FMNL2: variants seen among roughly 807,000 people sequenced by gnomAD.
The protein encoded by FMNL2 is formin-like protein 2.
Under a neutral mutation model 130.2 loss-of-function variants are expected in FMNL2, and 51 were observed. The observed-to-expected ratio is 0.39, with a 90% CI of 0.31 to 0.49. The LOEUF (loss-of-function observed/expected upper bound fraction) is 0.49. FMNL2 is among the 20% of genes least tolerant of loss of function. The probability of loss-of-function intolerance (pLI) is 0.85; values close to 1 mark genes in which losing one functional copy is unlikely to be tolerated. For missense variants in FMNL2, 977 were observed against 1,316.2 expected, an observed-to-expected ratio of 0.74 and a Z score of 3.99; for synonymous variants, 465 against 467.1, an observed-to-expected ratio of 1.00 and a Z score of 0.06.
At chr2:152,603,691 C>CT (rs761260629) in intron 9 of FMNL2, among the ~76,000 whole-genome samples, 2 of 150,524 alleles carry the variant, frequency 1.3e-5, no homozygotes, top group African/African-American at 2.4e-5. Context: ...CATTCAAAAC[C>CT]TTTTTTTTCT....
intron 1 of FMNL2, among the ~76,000 whole-genome samples, chr2:152,496,168 G>A (rs766181543): frequency 8.6e-5 from 13 of 151,942 alleles, no homozygotes; most frequent in Admixed American, 7.2e-4. Flanking sequence ...TTCTGGGTCC[G>A]GGATCTAGGG....
chr2:152,339,259 C>A (rs1185170451), intron 1 of FMNL2, among the ~76,000 whole-genome samples: 5 of 111,496 alleles, frequency 4.5e-5, no homozygotes, highest in African/African-American at 8.1e-5. Context: ...CAAGACAATT[C>A]TTCTTCTTCC....
At chr2:152,552,672 A>G (rs7607747) in intron 4 of FMNL2, among the ~76,000 whole-genome samples, 35,535 of 152,160 alleles carry the variant, frequency 0.23, 5,262 homozygotes, top group African/African-American at 0.41. Flanking sequence ...CTTAGGAACT[A>G]TAATAATAGA....
chr2:152,614,581 A>G (rs540253372), intron 11 of FMNL2, among the ~76,000 whole-genome samples: 3 of 152,124 alleles, frequency 2.0e-5, no homozygotes, highest in South Asian at 2.1e-4. Context: ...CGTCTCTACT[A>G]AAAATACAAA....
intron 21 of FMNL2, 73 bp from the exon 22 acceptor site, chr2:152,636,354 G>C: frequency 6.7e-7 from 1 of 1,494,438 alleles, no homozygotes; most frequent in Non-Finnish European, 9.0e-7. Flanking sequence ...TGAGAACTTG[G>C]CCCAGCAGCC....
intron 8 of FMNL2, among the ~76,000 whole-genome samples, chr2:152,579,715 A>G (rs1696674312): frequency 1.3e-5 from 2 of 151,930 alleles, no homozygotes; most frequent in African/African-American, 4.8e-5. Context: ...AAAGAAAGAA[A>G]GAAATAGAAA....
intron 1 of FMNL2, among the ~76,000 whole-genome samples, chr2:152,488,627 C>T (rs888037990): frequency 2.0e-5 from 3 of 152,086 alleles, no homozygotes; most frequent in Non-Finnish European, 4.4e-5. Flanking sequence ...CATATATATA[C>T]CTGTGTGTAT....
rs1699078981 is a variant in FMNL2, at chr2:152,618,741, T to G, written c.1315-105T>G. ...TAGCTGAATTCCAAAGAATTCCCAT[T>G]CATATGAGTATCTTTTTTTCTCTTT... On this transcript the variant is annotated intron_variant, in intron 13 of 25. Transcript: ENST00000288670. 4.0e-6 allele frequency: 4 copies of G among 993,266 alleles called. No homozygotes were observed. In the South Asian group the frequency reaches 7.8e-5, roughly 19 times the overall value. The allele number at this position is 993,266 out of a possible 1,614,324, so 61.5% of individuals were successfully genotyped here.
chr2:152,556,288 G>A (rs1695198138), intron 4 of FMNL2, among the ~76,000 whole-genome samples: 1 of 152,122 alleles, frequency 6.6e-6, no homozygotes, highest in South Asian at 2.1e-4. Context: ...AAAGCAGCTG[G>A]GGGTGTCAGG....
intron 1 of FMNL2, among the ~76,000 whole-genome samples, chr2:152,476,941 G>A (rs1254584944): frequency 1.3e-5 from 2 of 152,064 alleles, no homozygotes; most frequent in Non-Finnish European, 2.9e-5. Context: ...ATTCATTTGG[G>A]GGCAGAAATT....
chr2:152,548,025 T>A (rs1694741539), intron 3 of FMNL2, among the ~76,000 whole-genome samples: 1 of 152,136 alleles, frequency 6.6e-6, no homozygotes, highest in African/African-American at 2.4e-5. Flanking sequence ...GAGGTGTATA[T>A]TAACACATTT....
chr2:152,598,456 C>T (rs952480911), intron 9 of FMNL2, among the ~76,000 whole-genome samples: 10 of 152,024 alleles, frequency 6.6e-5, no homozygotes, highest in African/African-American at 2.2e-4. Flanking sequence ...TGGGAGGCTG[C>T]GGTGGGTGGA....
At chr2:152,384,891 A>G (rs557717704) in intron 1 of FMNL2, among the ~76,000 whole-genome samples, 1 of 152,326 alleles carries the variant, frequency 6.6e-6, no homozygotes, top group East Asian at 1.9e-4. Flanking sequence ...TTGTTTCTTC[A>G]ATGACACTTT....
chr2:152,595,067 G>A (rs902314412), intron 9 of FMNL2, among the ~76,000 whole-genome samples: 2 of 151,972 alleles, frequency 1.3e-5, no homozygotes, highest in African/African-American at 4.8e-5. Flanking sequence ...GTTTGGTTTT[G>A]GCAGTGGAAA....
chr2:152,600,336 C>T (rs1553484689), intron 9 of FMNL2, among the ~76,000 whole-genome samples: 1 of 152,146 alleles, frequency 6.6e-6, no homozygotes, highest in Non-Finnish European at 1.5e-5. Flanking sequence ...AAGCAAAGGG[C>T]CTTTAATTTT....
chr2:152,607,982 A>G (rs1427785744), intron 10 of FMNL2, among the ~76,000 whole-genome samples: 1 of 152,150 alleles, frequency 6.6e-6, no homozygotes, highest in Non-Finnish European at 1.5e-5. Flanking sequence ...ATACAAGAAC[A>G]TGCGGTTCCA....
chr2:152,536,952 G>A (rs749289252), intron 2 of FMNL2, among the ~76,000 whole-genome samples: 43 of 152,194 alleles, frequency 2.8e-4, no homozygotes, highest in Non-Finnish European at 5.6e-4. Context: ...ATTGGATAGA[G>A]AGGATGTAAA....
chr2:152,449,577 G>A (rs1217710262), intron 1 of FMNL2, among the ~76,000 whole-genome samples: 1 of 152,174 alleles, frequency 6.6e-6, no homozygotes, highest in Non-Finnish European at 1.5e-5. Flanking sequence ...CTTCCAGAGA[G>A]GAGGGAAAAC....
chr2:152,592,624 A>C (rs1283598733), intron 9 of FMNL2, among the ~76,000 whole-genome samples: 1 of 152,218 alleles, frequency 6.6e-6, no homozygotes, highest in Admixed American at 6.5e-5. Flanking sequence ...TATTTAATAA[A>C]AAATTTGTTT....
Sources: allele counts gnomAD v4.1 joint callset (sites outside exome capture counted in the v4.1 genomes callset), GRCh38; gene constraint gnomAD v4.1.1; transcripts MANE v1.5; gene names NCBI Gene and HGNC (gene_info 2026-07-23, HGNC 2026-07-21).